RAB30: variants seen among roughly 807,000 people sequenced by gnomAD.
RAB30 encodes the protein RAB30, member RAS oncogene family.
A neutral mutation model predicts 25.1 loss-of-function variants in RAB30; 9 were observed. The ratio of observed to expected loss-of-function variants is 0.36; its 90% CI spans 0.22 to 0.63. The LOEUF (loss-of-function observed/expected upper bound fraction) is 0.63, where lower values mean the gene tolerates loss of function less well. Ranked by LOEUF, RAB30 falls within the 20% of genes least tolerant of loss-of-function variation. RAB30 has a pLI of 0.69. For synonymous variants in RAB30, 77 were observed against 86.4 expected (o/e 0.89, Z 0.60); for missense variants, 140 against 243.5 (o/e 0.58, Z 2.83).
chr11:83,016,257 A>C (rs1323936995), intron 1 of RAB30, among the ~76,000 whole-genome samples: 1 of 152,168 alleles, frequency 6.6e-6, no homozygotes, highest in Non-Finnish European at 1.5e-5. Flanking sequence ...AGAGATTAGA[A>C]TTGGGGGAGT....
rs567355286 is a variant in RAB30, at chr11:83,051,444, A to G, written c.-9+20247T>C. ...TCCCACACATTCTCTCTTTACCCCA[A>G]TTAGAGTTGGGTTGCTTCCGTCCAT... On this transcript the variant is annotated intron_variant, in intron 1 of 4. Transcript: ENST00000527633. 1.1e-4 allele frequency among the ~76,000 whole-genome samples: 17 copies of G among 152,226 alleles called. 1 individual carries two copies. Among genetic ancestry groups the G allele is most frequent in the African/African-American group, 3.9e-4 (16 of 41,534 alleles).
intron 1 of RAB30, among the ~76,000 whole-genome samples, chr11:83,032,876 A>G (rs1055499548): frequency 6.6e-6 from 1 of 151,994 alleles, no homozygotes; most frequent in African/African-American, 2.4e-5. Context: ...AATTAAAATG[A>G]CTTTCTCATA....
At chr11:83,007,055 C>T (rs1214024167) in intron 1 of RAB30, among the ~76,000 whole-genome samples, 2 of 152,240 alleles carry the variant, frequency 1.3e-5, no homozygotes, top group African/African-American at 4.8e-5. Flanking sequence ...GCAGAAGGAG[C>T]TCATCTTTTT....
chr11:83,049,359 C>T (rs1858303655), intron 1 of RAB30, among the ~76,000 whole-genome samples: 1 of 147,940 alleles, frequency 6.8e-6, no homozygotes, highest in African/African-American at 2.5e-5. Context: ...TGCAGTGAGC[C>T]GAGATTAAGC....
chr11:83,035,832 AG>A (rs1857975317), intron 1 of RAB30: 1 of 152,276 alleles, frequency 6.6e-6, no homozygotes, highest in Non-Finnish European at 1.5e-5. Context: ...CTTTCCAGCC[AG>A]GCAAGTGTTA....
At chr11:82,982,897 A>G (rs1470826612) in intron 4 of RAB30, among the ~76,000 whole-genome samples, 1 of 152,218 alleles carries the variant, frequency 6.6e-6, no homozygotes, top group Non-Finnish European at 1.5e-5. Context: ...AGTGCCATTC[A>G]TAATGGCAAG....
chr11:83,027,699 G>A (rs1565281923), intron 1 of RAB30, among the ~76,000 whole-genome samples: 2 of 151,986 alleles, frequency 1.3e-5, no homozygotes, highest in Non-Finnish European at 2.9e-5. Context: ...ACATTTCAAT[G>A]GTTTTTAGCA....
intron 1 of RAB30, among the ~76,000 whole-genome samples, chr11:83,018,667 C>G (rs545147468): frequency 1.3e-5 from 2 of 152,258 alleles, no homozygotes; most frequent in African/African-American, 4.8e-5. Context: ...CTGATAATTT[C>G]TTTTGCTGTG....
chr11:83,036,230 G>A (rs575369826), intron 1 of RAB30, among the ~76,000 whole-genome samples: 3 of 150,372 alleles, frequency 2.0e-5, no homozygotes, highest in South Asian at 2.1e-4. Flanking sequence ...GCAGTGGCAC[G>A]ATCTTGGCTC....
In RAB30 at chr11:82,980,253, C is replaced by A. The variant is rs1590829606; in HGVS notation, c.*1912G>T. 1 of 152,114 alleles carries A rather than the reference C, an allele frequency of 6.6e-6. No homozygotes were observed. Among genetic ancestry groups the A allele is most frequent in the South Asian group, 2.1e-4 (1 of 4,828 alleles). 9.4% of individuals were successfully genotyped at this position (152,114 alleles called of 1,614,324 possible). ...TTTTTATTAAAATGACTTTTCTTTC[C>A]TGCAGAGACAGATTCTAAAAGAAAA... On this transcript the variant is annotated 3_prime_UTR_variant, in exon 5 of 5. Transcript: ENST00000527633.
chr11:83,052,544 A>AC (rs1436021269), intron 1 of RAB30, among the ~76,000 whole-genome samples: 1 of 152,244 alleles, frequency 6.6e-6, no homozygotes, highest in Non-Finnish European at 1.5e-5. Flanking sequence ...AGCAAGGGCT[A>AC]AAGGGCCTGA....
chr11:83,071,027 G>A (rs1188386300), intron 1 of RAB30, among the ~76,000 whole-genome samples: 1 of 152,200 alleles, frequency 6.6e-6, no homozygotes, highest in Non-Finnish European at 1.5e-5. Flanking sequence ...TCGGAGAACG[G>A]AAAACATTTA....
At chr11:83,010,659 G>A (rs1302245875) in intron 1 of RAB30, among the ~76,000 whole-genome samples, 1 of 152,034 alleles carries the variant, frequency 6.6e-6, no homozygotes, top group Non-Finnish European at 1.5e-5. Flanking sequence ...CATTCAATGG[G>A]CTCTTCCAGA....
At chr11:83,028,814 A>T (rs1857784235) in intron 1 of RAB30, among the ~76,000 whole-genome samples, 1 of 152,214 alleles carries the variant, frequency 6.6e-6, no homozygotes, top group Admixed American at 6.5e-5. Context: ...AGACAGCAAG[A>T]TTGCTTAAGC....
chr11:82,990,117 G>A (rs866074335), intron 3 of RAB30, among the ~76,000 whole-genome samples: 8 of 152,140 alleles, frequency 5.3e-5, no homozygotes, highest in Admixed American at 2.0e-4. Flanking sequence ...CTGTAGCCAC[G>A]GGCTTTCTAA....
chr11:82,987,870 C>G, intron 3 of RAB30, 100 bp from the exon 4 acceptor site: 1 of 295,846 alleles, frequency 3.4e-6, no homozygotes, highest in Non-Finnish European at 6.0e-6. Context: ...ATGGGTACAC[C>G]TTTACCCAAA....
chr11:82,974,616 C>G lies in RAB30; in HGVS notation c.*7549G>C, dbSNP rs147342677. ...AAACCAATAGCCAAATATCAAGAAT[C>G]GAGTTCATAAAACTCAGTGATTAAC... On this transcript the variant is annotated 3_prime_UTR_variant, in exon 5 of 5. Transcript: ENST00000527633. 3.6e-4 allele frequency: 55 copies of G among 152,128 alleles called. No individual in the cohort carries two copies. Among genetic ancestry groups the G allele is most frequent in the African/African-American group, 1.2e-3 (48 of 41,508 alleles). 9.4% of individuals were successfully genotyped at this position (152,128 alleles called of 1,614,324 possible). A position where few individuals can be genotyped will look rare whatever the true frequency, so the allele number is the denominator to read the frequency against.
intron 1 of RAB30, among the ~76,000 whole-genome samples, chr11:83,002,926 C>T (rs1334003145): frequency 6.6e-6 from 1 of 152,242 alleles, no homozygotes; most frequent in African/African-American, 2.4e-5. Context: ...CTTTCTGACA[C>T]ACCTCCAAAC....
At chr11:83,010,539 T>C (rs914919135) in intron 1 of RAB30, among the ~76,000 whole-genome samples, 12 of 152,242 alleles carry the variant, frequency 7.9e-5, no homozygotes, top group South Asian at 2.1e-4. Flanking sequence ...TATTTCCTTT[T>C]TTTCATATTT....
Sources: allele counts gnomAD v4.1 joint callset (sites outside exome capture counted in the v4.1 genomes callset), GRCh38; gene constraint gnomAD v4.1.1; transcripts MANE v1.5; gene names NCBI Gene and HGNC (gene_info 2026-07-23, HGNC 2026-07-21).